The following MAML1 variants were observed in gnomAD, a reference collection of about 807,000 sequenced individuals.
MAML1 encodes the protein mastermind like transcriptional coactivator 1.
A neutral mutation model predicts 77.1 loss-of-function variants in MAML1; 14 were observed. That is an observed-to-expected ratio of 0.18 (90% CI 0.12 to 0.28). MAML1 has a LOEUF of 0.28. Ranked by LOEUF, MAML1 falls within the 10% of genes least tolerant of loss-of-function variation. The pLI is 1.00. For synonymous variants in MAML1, 516 were observed against 551.9 expected (o/e 0.93, Z 0.91); for missense variants, 1,217 against 1,327.8 (o/e 0.92, Z 1.30).
In MAML1 at chr5:179,766,640, C is replaced by G. The variant is rs772953624; in HGVS notation, c.1630C>G (p.Pro544Ala). Residue 544 changes from proline to alanine, a missense_variant, in exon 2 of 5, where the codon CCC (proline) becomes GCC (alanine). Physicochemically the swap from Pro to Ala is conservative, Grantham distance 27. Coordinates refer to ENST00000292599, the MANE Select transcript of MAML1 (RefSeq NM_014757.5). The surrounding 1 kb of genome is among the most constrained non-coding windows in gnomAD (Gnocchi z 4.0). Reference sequence around the variant, plus strand: ...CAAGCCAGCCCTGATGGCTTATCTTCCCCAGCAGCTGTCCCATATAAGTCA... The same window carrying G: ...CAAGCCAGCCCTGATGGCTTATCTTGCCCAGCAGCTGTCCCATATAAGTCA... ...QSKPALMAYL[P>A]QQLSHISHEQ... 2.5e-6 allele frequency: 4 copies of G among 1,612,512 alleles called. No homozygotes were observed. Among genetic ancestry groups the G allele is most frequent in the Non-Finnish European group, 2.5e-6 (3 of 1,178,954 alleles).
In MAML1 at chr5:179,742,442, TCG is replaced by T. The variant is rs565377243; in HGVS notation, c.315+9016_315+9017del. Reference sequence around the variant, plus strand: ...CACCGGAGGTTGCAGTGAGCCGAGATCGTGACACTGCACTCCAGCCCAGGCGA... The same window carrying T: ...CACCGGAGGTTGCAGTGAGCCGAGATTGACACTGCACTCCAGCCCAGGCGA... On this transcript the variant is annotated intron_variant, in intron 1 of 4. Coordinates refer to ENST00000292599, the MANE Select transcript of MAML1 (RefSeq NM_014757.5). 7.3e-5 allele frequency among the ~76,000 whole-genome samples: 11 copies of T among 151,410 alleles called. No individual in the cohort carries two copies. In the South Asian group the frequency reaches 2.3e-3, roughly 32 times the overall value.
Position 179,762,588 on chromosome 5 carries a change from A to C in MAML1, c.316-2738A>C, listed in dbSNP as rs547937591. On this transcript the variant is annotated intron_variant, in intron 1 of 4. Transcript: ENST00000292599. ...ACAGGAACCTTTGAGCTGAGCACCCAGAAGTACCAGATGTGCTGGAGCAGG... is the reference window on the plus strand; with the variant it reads ...ACAGGAACCTTTGAGCTGAGCACCCCGAAGTACCAGATGTGCTGGAGCAGG... Among the ~76,000 whole-genome samples the C allele has an allele frequency of 5.9e-5, 9 of 152,254 alleles. 1 individual carries two copies. Among genetic ancestry groups the C allele is most frequent in the African/African-American group, 2.2e-4 (9 of 41,468 alleles).
At chr5:179,734,772 C>T (rs1415992396) in intron 1 of MAML1, among the ~76,000 whole-genome samples, 2 of 152,136 alleles carry the variant, frequency 1.3e-5, no homozygotes, top group African/African-American at 4.8e-5. Context: ...TCAGTCCTCC[C>T]GCCTCAGCCT....
chr5:179,757,195 T>G (rs368542834), intron 1 of MAML1, among the ~76,000 whole-genome samples: 1 of 152,130 alleles, frequency 6.6e-6, no homozygotes, highest in Admixed American at 6.5e-5. Flanking sequence ...GTCTGCTGTA[T>G]AGGAGGACTT....
At chr5:179,752,350 A>AAAAAAT (rs1554150144) in intron 1 of MAML1, among the ~76,000 whole-genome samples, 45 of 66,702 alleles carry the variant, frequency 6.7e-4, no homozygotes, top group African/African-American at 1.4e-3. Flanking sequence ...AAAAAAAAAA[A>AAAAAAT]ATATATATAT....
Position 179,776,987 on chromosome 5 carries a change from T to G in MAML1, c.*2110T>G. Reference sequence around the variant, plus strand: ...GTTATACACATTTGCTTTGTGTAAATAAATGTTTACAATTTTATATGAAAG... The same window carrying G: ...GTTATACACATTTGCTTTGTGTAAAGAAATGTTTACAATTTTATATGAAAG... On this transcript the variant is annotated 3_prime_UTR_variant, in exon 5 of 5. Coordinates refer to ENST00000292599, the MANE Select transcript of MAML1 (RefSeq NM_014757.5). The G allele has an allele frequency of 1.0e-6, 1 of 984,938 alleles. No individual in the cohort carries two copies. Among genetic ancestry groups the G allele is most frequent in the Non-Finnish European group, 1.2e-6 (1 of 829,050 alleles). The allele number at this position is 984,938 out of a possible 1,614,324, so 61.0% of individuals were successfully genotyped here.
At position 179,776,553 on chromosome 5, in the gene MAML1, T is replaced by G. The variant is rs1756137416; in HGVS notation, c.*1676T>G. The G allele has an allele frequency of 1.0e-6, 1 of 985,440 alleles. No homozygotes were observed. The highest frequency in any genetic ancestry group is 1.1e-4 in the East Asian group (1 of 8,826). 61.0% of individuals were successfully genotyped at this position (985,440 alleles called of 1,614,324 possible). A position where few individuals can be genotyped will look rare whatever the true frequency, so the allele number is the denominator to read the frequency against. On this transcript the variant is annotated 3_prime_UTR_variant, in exon 5 of 5. Transcript: ENST00000292599. ...CTCAGTTTAGCTCTCAAAGAAGGGG[T>G]GAATCATAAAGCCAGTGAAAATTTC...
Position 179,766,567 on chromosome 5 carries a change from T to C in MAML1, c.1557T>C (p.Ser519=), listed in dbSNP as rs780938314. ...VLDYGNTKPL[S]HYKADCGQGS... ...ACTACGGCAATACAAAACCCCTTTCTCATTACAAAGCGGACTGTGGGCAAG... is the reference window on the plus strand; with the variant it reads ...ACTACGGCAATACAAAACCCCTTTCCCATTACAAAGCGGACTGTGGGCAAG... The change falls in exon 2 of 5, where the codon TCT becomes TCC. Residue 519 remains serine (S), a synonymous_variant. Coordinates refer to ENST00000292599, the MANE Select transcript of MAML1 (RefSeq NM_014757.5). The surrounding 1 kb of genome is among the most constrained non-coding windows in gnomAD (Gnocchi z 4.0). 1.1e-5 allele frequency: 17 copies of C among 1,609,400 alleles called. No individual in the cohort carries two copies. The highest frequency in any genetic ancestry group is 1.3e-5 in the Non-Finnish European group (15 of 1,176,926).
chr5:179,776,225 T>C lies in MAML1; in HGVS notation c.*1348T>C. 1.0e-6 allele frequency: 1 copy of C among 985,924 alleles called. No individual in the cohort carries two copies. The highest frequency in any genetic ancestry group is 1.7e-5 in the African/African-American group (1 of 57,362). The allele number at this position is 985,924 out of a possible 1,614,324, so 61.1% of individuals were successfully genotyped here. A position where few individuals can be genotyped will look rare whatever the true frequency, so the allele number is the denominator to read the frequency against. The stretch of plus-strand genomic sequence containing the variant: ...AGAAAAGAGAATGCTGAAAAGTGGC[T>C]CAGATGCAGAGTGTTCTGTGGAGAA... On this transcript the variant is annotated 3_prime_UTR_variant, in exon 5 of 5. Coordinates refer to ENST00000292599, the MANE Select transcript of MAML1 (RefSeq NM_014757.5).
chr5:179,759,353 C>T (rs1779683409), intron 1 of MAML1, among the ~76,000 whole-genome samples: 1 of 152,142 alleles, frequency 6.6e-6, no homozygotes, highest in African/African-American at 2.4e-5. Flanking sequence ...CAATGATGCT[C>T]ATCCTCTAGG....
chr5:179,749,478 C>T (rs764196071), intron 1 of MAML1, among the ~76,000 whole-genome samples: 1 of 152,128 alleles, frequency 6.6e-6, no homozygotes, highest in Non-Finnish European at 1.5e-5. Context: ...CCAGGCTGGT[C>T]TTGAACTCCT....
intron 1 of MAML1, among the ~76,000 whole-genome samples, chr5:179,752,350 A>AT (rs57005189): frequency 0.035 from 2,308 of 65,602 alleles, 19 homozygotes; most frequent in East Asian, 0.061. Context: ...AAAAAAAAAA[A>AT]ATATATATAT....
rs1046923775 is a variant in MAML1, at chr5:179,748,959, T to TG, written c.315+15532_315+15533insG. On this transcript the variant is annotated intron_variant, in intron 1 of 4. Coordinates refer to ENST00000292599, the MANE Select transcript of MAML1 (RefSeq NM_014757.5). Reference sequence around the variant, plus strand: ...AGAAAAAGGTGTTTTTGTTTTTTTTTTTTTTGTTTTTTGTTTGTTTGTTTG... The same window carrying TG: ...AGAAAAAGGTGTTTTTGTTTTTTTTTGTTTTTGTTTTTTGTTTGTTTGTTTG... Among the ~76,000 whole-genome samples the TG allele has an allele frequency of 2.5e-4, 28 of 112,762 alleles. No individual in the cohort carries two copies. In the East Asian group the frequency reaches 6.6e-3, roughly 27 times the overall value. 74.0% of individuals were successfully genotyped at this position (112,762 alleles called of 152,430 possible).
In MAML1 at chr5:179,766,165, G is replaced by A; in HGVS notation, c.1155G>A (p.Gln385=). 2 of 1,585,346 alleles carry A rather than the reference G, an allele frequency of 1.3e-6. No homozygotes were observed. Among genetic ancestry groups the A allele is most frequent in the African/African-American group, 2.7e-5 (2 of 73,872 alleles). ...RALAGVVLPS[Q]GPGGASELSS... ...TTGCAGGTGTGGTATTGCCCAGTCA[G>A]GGCCCAGGAGGGGCCTCAGAGCTGT... The change falls in exon 2 of 5, where the codon CAG becomes CAA. Residue 385 remains glutamine, a synonymous_variant. Transcript: ENST00000292599. This position sits in a 1 kb window ranked among gnomAD's most constrained non-coding sequence, Gnocchi z 4.0.
intron 1 of MAML1, among the ~76,000 whole-genome samples, chr5:179,739,469 A>G (rs1196552371): frequency 3.3e-5 from 5 of 152,340 alleles, no homozygotes; most frequent in African/African-American, 1.2e-4. Context: ...CAGGAGGCCA[A>G]AGCTGGTGGA....
chr5:179,742,021 C>A (rs1231887045), intron 1 of MAML1, among the ~76,000 whole-genome samples: 2 of 151,824 alleles, frequency 1.3e-5, no homozygotes, highest in Non-Finnish European at 2.9e-5. Flanking sequence ...CCTCAGCCTC[C>A]CAAGTAGCTG....
At chr5:179,762,281 A>G (rs1273143375) in intron 1 of MAML1, among the ~76,000 whole-genome samples, 1 of 152,182 alleles carries the variant, frequency 6.6e-6, no homozygotes. Flanking sequence ...GATGCTGCTT[A>G]GGAGTCCAAA....
At position 179,775,432 on chromosome 5, in the gene MAML1, C is replaced by A. The variant is rs1581951934; in HGVS notation, c.*555C>A. 1.0e-6 allele frequency: 1 copy of A among 985,346 alleles called. No individual in the cohort carries two copies. The highest frequency in any genetic ancestry group is 1.1e-4 in the East Asian group (1 of 8,820). 61.0% of individuals were successfully genotyped at this position (985,346 alleles called of 1,614,324 possible). A position where few individuals can be genotyped will look rare whatever the true frequency, so the allele number is the denominator to read the frequency against. On this transcript the variant is annotated 3_prime_UTR_variant, in exon 5 of 5. Transcript: ENST00000292599. ...CTAGGGTTTCCTTTTGATTAAGAGC[C>A]TTTTTTGTTTCTGCTCTTTGTCAGC...
In MAML1 at chr5:179,768,949, T is replaced by C. The variant is rs754063154; in HGVS notation, c.1831T>C (p.Tyr611His). 3.1e-6 allele frequency: 5 copies of C among 1,614,038 alleles called. No homozygotes were observed. Among genetic ancestry groups the C allele is most frequent in the Middle Eastern group, 1.6e-4 (1 of 6,084 alleles). ...SVASSHNSSP[Y>H]LSSQQQAAVM... ...GGCCAGCTCCCACAACAGCTCCCCC[T>C]ATCTCAGCAGCCAGCAACAGGCCGC... Residue 611 changes from tyrosine to histidine, a missense_variant, in exon 3 of 5, where the codon TAT becomes CAT. Tyr to His is a moderately conservative substitution (Grantham distance 83). Around this residue, in one of 3 missense-constraint regions of MAML1, gnomAD observed 884 missense variants for 949.3 expected, o/e 0.93. Transcript: ENST00000292599.
Sources: allele counts gnomAD v4.1 joint callset (sites outside exome capture counted in the v4.1 genomes callset), GRCh38; gene constraint gnomAD v4.1.1; regional missense constraint gnomAD v4.1.1; non-coding constraint Gnocchi (gnomAD v3.1); transcripts MANE v1.5; gene names NCBI Gene and HGNC (gene_info 2026-07-23, HGNC 2026-07-21).